DACH1: variants seen among roughly 807,000 people sequenced by gnomAD.
DACH1 encodes dachshund family transcription factor 1.
In DACH1, 12 loss-of-function variants were observed where a neutral mutation model predicts 54.2. That is an observed-to-expected ratio of 0.22 (90% confidence interval 0.14 to 0.36). The LOEUF (loss-of-function observed/expected upper bound fraction) is 0.36. DACH1 is among the 10% of genes least tolerant of loss of function. DACH1 has a pLI of 1.00. For missense variants in DACH1, 805 were observed against 929.8 expected, an observed-to-expected ratio of 0.87 and a Z score of 1.75; for synonymous variants, 386 against 366.2, an observed-to-expected ratio of 1.05 and a Z score of -0.62.
At chr13:71,481,610 A>T (rs1878033280) in intron 7 of DACH1, among the ~76,000 whole-genome samples, 2 of 152,198 alleles carry the variant, frequency 1.3e-5, no homozygotes. Flanking sequence ...TATAAAATTA[A>T]ATGTAATTTT....
At chr13:71,677,172 G>A (rs776011026) in intron 2 of DACH1, among the ~76,000 whole-genome samples, 18 of 152,032 alleles carry the variant, frequency 1.2e-4, no homozygotes, top group Admixed American at 2.0e-4. Flanking sequence ...TTAAATAGAC[G>A]TCATCTTATA....
At chr13:71,853,458 G>C (rs188592829) in intron 1 of DACH1, among the ~76,000 whole-genome samples, 1 of 152,058 alleles carries the variant, frequency 6.6e-6, no homozygotes, top group Admixed American at 6.6e-5. Context: ...ACAGGATAAG[G>C]TTACTTTTGA....
At chr13:71,665,139 C>T (rs923736950) in intron 2 of DACH1, among the ~76,000 whole-genome samples, 4 of 151,800 alleles carry the variant, frequency 2.6e-5, no homozygotes, top group Non-Finnish European at 5.9e-5. Context: ...CTATTTATAA[C>T]GTTCAGAAAT....
Position 71,836,386 on chromosome 13 carries a change from A to G in DACH1, c.848+29536T>C, listed in dbSNP as rs188358067. Among the ~76,000 whole-genome samples, 49 of 152,198 alleles carry G rather than the reference A, an allele frequency of 3.2e-4. No homozygotes were observed. In the East Asian group the frequency reaches 5.8e-3, roughly 18 times the overall value. ...ATTTAATGTCACCCAAGATTATTCC[A>G]CTTTTAGACGAGTAAGCTAAGACTC... On this transcript the variant is annotated intron_variant, in intron 1 of 10. Transcript: ENST00000613252.
intron 1 of DACH1, among the ~76,000 whole-genome samples, chr13:71,835,626 C>A (rs751756760): frequency 2.0e-5 from 3 of 151,876 alleles, no homozygotes; most frequent in Non-Finnish European, 4.4e-5. Context: ...TGTATATATC[C>A]CCATTTGCCC....
chr13:71,790,470 C>G (rs1168090246), intron 1 of DACH1, among the ~76,000 whole-genome samples: 1 of 152,032 alleles, frequency 6.6e-6, no homozygotes, highest in African/African-American at 2.4e-5. Context: ...ACGTTTTGGC[C>G]TTTGGCATAA....
intron 3 of DACH1, among the ~76,000 whole-genome samples, chr13:71,597,214 A>G (rs1354873047): frequency 6.6e-6 from 1 of 152,166 alleles, no homozygotes; most frequent in Non-Finnish European, 1.5e-5. Flanking sequence ...TTATAAAATA[A>G]CACTAGGTCA....
At chr13:71,658,334 A>C (rs559628888) in intron 2 of DACH1, among the ~76,000 whole-genome samples, 1 of 152,206 alleles carries the variant, frequency 6.6e-6, no homozygotes, top group Admixed American at 6.5e-5. Flanking sequence ...TGGATCACCT[A>C]TGTTCAGGAG....
rs114376361 is a variant in DACH1, at chr13:71,753,835, T to C, written c.849-71925A>G. Among the ~76,000 whole-genome samples the C allele has an allele frequency of 8.0e-3, 1,218 of 152,304 alleles. 19 individuals carry two copies. Among genetic ancestry groups the C allele is most frequent in the African/African-American group, 0.028 (1,156 of 41,566 alleles). Reference sequence around the variant, plus strand: ...CCTAAAGCTGCCAAGAGCTGTAAACTACTATACAAGAAATATTAGTTGCCA... The same window carrying C: ...CCTAAAGCTGCCAAGAGCTGTAAACCACTATACAAGAAATATTAGTTGCCA... On this transcript the variant is annotated intron_variant, in intron 1 of 10. Coordinates refer to ENST00000613252, the MANE Select transcript of DACH1 (RefSeq NM_080759.6).
chr13:71,455,619 C>A (rs550221207), intron 10 of DACH1, among the ~76,000 whole-genome samples: 199 of 152,176 alleles, frequency 1.3e-3, no homozygotes, highest in African/African-American at 4.7e-3. Flanking sequence ...TGCGACAGAA[C>A]TTACCCAGGC....
intron 2 of DACH1, among the ~76,000 whole-genome samples, chr13:71,667,251 T>C (rs139536051): frequency 1.4e-3 from 211 of 152,288 alleles, no homozygotes; most frequent in Admixed American, 4.2e-3. Flanking sequence ...TGTTTAATTA[T>C]AATCCTGAAA....
At chr13:71,445,915 T>C (rs1207586579) in intron 10 of DACH1, among the ~76,000 whole-genome samples, 2 of 152,108 alleles carry the variant, frequency 1.3e-5, no homozygotes, top group Non-Finnish European at 2.9e-5. Context: ...GGATGGCAAA[T>C]GTGCTAGGAA....
chr13:71,550,389 C>T (rs1409425456), intron 6 of DACH1, among the ~76,000 whole-genome samples: 1 of 151,978 alleles, frequency 6.6e-6, no homozygotes, highest in African/African-American at 2.4e-5. Context: ...TTGGGCTGAA[C>T]ACTAGTGGAT....
At chr13:71,458,213 C>T (rs1285055576) in intron 10 of DACH1, among the ~76,000 whole-genome samples, 1 of 151,626 alleles carries the variant, frequency 6.6e-6, no homozygotes, top group Non-Finnish European at 1.5e-5. Flanking sequence ...ACAGCAGAGG[C>T]CAGATTTTAA....
chr13:71,520,053 C>T (rs971236492), intron 6 of DACH1, among the ~76,000 whole-genome samples: 1 of 150,686 alleles, frequency 6.6e-6, no homozygotes, highest in African/African-American at 2.4e-5. Flanking sequence ...ATAATTTTAG[C>T]ATCAAATGGA....
intron 6 of DACH1, among the ~76,000 whole-genome samples, chr13:71,534,700 GA>G (rs1159349798): frequency 1.3e-5 from 2 of 151,414 alleles, no homozygotes; most frequent in African/African-American, 4.8e-5. Flanking sequence ...GATGTGTGGA[GA>G]AAAAAATGAA....
At chr13:71,574,569 C>T (rs1360793949) in intron 3 of DACH1, among the ~76,000 whole-genome samples, 1 of 151,798 alleles carries the variant, frequency 6.6e-6, no homozygotes, top group Non-Finnish European at 1.5e-5. Context: ...GATTTTTTTC[C>T]ATTTACTTCA....
intron 1 of DACH1, among the ~76,000 whole-genome samples, chr13:71,798,586 C>T (rs1594235788): frequency 6.6e-6 from 1 of 151,738 alleles, no homozygotes; most frequent in Non-Finnish European, 1.5e-5. Context: ...TAATATTTCT[C>T]ATTATGCCAT....
Position 71,621,746 on chromosome 13 carries a change from C to G in DACH1, c.1126+8810G>C, listed in dbSNP as rs1593999802. On this transcript the variant is annotated intron_variant, in intron 3 of 10. Transcript: ENST00000613252. ...ATACAAATAGAGCTAAAGGCATGGT[C>G]TGCGAGGCACTGCTGCAGCGATATT... 2.0e-5 allele frequency among the ~76,000 whole-genome samples: 3 copies of G among 152,072 alleles called. No individual in the cohort carries two copies. In the East Asian group the frequency reaches 5.8e-4, roughly 29 times the overall value.
Sources: gnomAD v4.1 joint callset for allele counts (sites outside exome capture counted in the v4.1 genomes callset) on GRCh38, gnomAD v4.1.1 for gene constraint, MANE v1.5 for transcripts, NCBI Gene and HGNC (gene_info 2026-07-23, HGNC 2026-07-21) for gene names.